The following GPHN variants were observed in gnomAD, a reference collection of about 807,000 sequenced individuals.
GPHN encodes gephyrin.
Under a neutral mutation model 95.5 loss-of-function variants are expected in GPHN, and 17 were observed. The observed-to-expected ratio is 0.18, with a 90% confidence interval of 0.12 to 0.27. The LOEUF is 0.27. Among genes scored for constraint, GPHN ranks in the 10% least tolerant of loss-of-function variants. The pLI is 1.00. For missense variants in GPHN, 660 were observed against 978.1 expected (o/e 0.67, Z 4.34); for synonymous variants, 320 against 322.5 (o/e 0.99, Z 0.08).
intron 11 of GPHN, among the ~76,000 whole-genome samples, chr14:67,067,801 C>G (rs994488587): frequency 2.0e-5 from 3 of 152,212 alleles, no homozygotes; most frequent in Non-Finnish European, 4.4e-5. Flanking sequence ...GTTGCTAAGA[C>G]TGTGGGAAAA....
At chr14:66,845,853 G>C (rs917494529) in intron 4 of GPHN, among the ~76,000 whole-genome samples, 8 of 151,456 alleles carry the variant, frequency 5.3e-5, no homozygotes, top group Middle Eastern at 3.4e-3. Context: ...GTGTGTGTGT[G>C]TGTGTGTCTG....
At chr14:67,557,608 G>T in the GPHN span, among the ~76,000 whole-genome samples, 1 of 152,236 alleles carries the variant, frequency 6.6e-6, no homozygotes, top group Non-Finnish European at 1.5e-5. Context: ...TAGAAGCCAG[G>T]CAGGGGATAG....
At chr14:67,078,862 T>C (rs1252331841) in intron 11 of GPHN, among the ~76,000 whole-genome samples, 1 of 139,682 alleles carries the variant, frequency 7.2e-6, no homozygotes, top group Non-Finnish European at 1.5e-5. Flanking sequence ...TCTCTCCATA[T>C]TTTTTTCCCT....
chr14:66,701,410 C>A (rs1209957260), intron 2 of GPHN, among the ~76,000 whole-genome samples: 2 of 152,148 alleles, frequency 1.3e-5, no homozygotes, highest in Non-Finnish European at 2.9e-5. Context: ...CAATTGGATG[C>A]TCCCATCAAA....
the GPHN span, among the ~76,000 whole-genome samples, chr14:67,627,275 A>ATATATATATATATATATATATATATC: frequency 6.7e-6 from 1 of 148,688 alleles, no homozygotes; most frequent in African/African-American, 2.5e-5. Flanking sequence ...ATATATATAT[A>ATATATATATATATATATATATATATC]TATATATCTG....
intron 8 of GPHN, among the ~76,000 whole-genome samples, chr14:66,931,999 G>A (rs2066823841): frequency 6.6e-6 from 1 of 152,122 alleles, no homozygotes; most frequent in African/African-American, 2.4e-5. Context: ...TCTTGGGAAG[G>A]CTTTCCAAAT....
intron 1 of GPHN, among the ~76,000 whole-genome samples, chr14:66,647,008 T>C (rs2064787522): frequency 6.6e-6 from 1 of 151,798 alleles, no homozygotes; most frequent in Non-Finnish European, 1.5e-5. Context: ...GCAATCCTCT[T>C]TCCACAGCCT....
chr14:67,701,665 G>A, the GPHN span, among the ~76,000 whole-genome samples: 27 of 151,850 alleles, frequency 1.8e-4, no homozygotes, highest in African/African-American at 6.0e-4. Flanking sequence ...CTTGTGATCC[G>A]CCCACTTCAG....
chr14:66,591,308 C>T (rs983449791), intron 1 of GPHN, among the ~76,000 whole-genome samples: 12 of 152,270 alleles, frequency 7.9e-5, no homozygotes, highest in African/African-American at 2.9e-4. Context: ...CTGGCCAGGG[C>T]AATCAGGCAA....
chr14:67,559,137 A>G, the GPHN span, among the ~76,000 whole-genome samples: 1 of 152,194 alleles, frequency 6.6e-6, no homozygotes, highest in African/African-American at 2.4e-5. Context: ...AACCTTTTCA[A>G]TCATCTCCTC....
the GPHN span, chr14:67,387,345 A>G: frequency 6.2e-7 from 1 of 1,609,866 alleles, no homozygotes; most frequent in Non-Finnish European, 8.5e-7. Context: ...TAGCTTTTTG[A>G]TAGCTTCAAT....
At chr14:66,686,451 G>T (rs2153401634) in intron 2 of GPHN, among the ~76,000 whole-genome samples, 1 of 152,272 alleles carries the variant, frequency 6.6e-6, no homozygotes, top group Non-Finnish European at 1.5e-5. Flanking sequence ...AGTTCTCCTT[G>T]AAGAGGTCCT....
the GPHN span, among the ~76,000 whole-genome samples, chr14:67,547,955 C>T: frequency 1.0e-3 from 153 of 152,306 alleles, no homozygotes; most frequent in African/African-American, 3.6e-3. Flanking sequence ...GTGCTATTGC[C>T]ATGGTCACCC....
At chr14:67,577,941 C>T in the GPHN span, 6 of 1,293,004 alleles carry the variant, frequency 4.6e-6, no homozygotes, top group Non-Finnish European at 5.5e-6. Context: ...CTCCCTGGAG[C>T]CCTTGGAAAA....
chr14:67,317,841 T>C, the GPHN span, among the ~76,000 whole-genome samples: 1 of 152,254 alleles, frequency 6.6e-6, no homozygotes. Flanking sequence ...CACTACCTGC[T>C]GGCTAAGTCA....
chr14:67,562,292 G>T, the GPHN span: 9 of 1,613,762 alleles, frequency 5.6e-6, no homozygotes, highest in Admixed American at 1.5e-4. Flanking sequence ...ACCTTCCCCA[G>T]GTGCCCTGCA....
intron 4 of GPHN, among the ~76,000 whole-genome samples, chr14:66,841,272 T>C (rs1014496616): frequency 1.3e-5 from 2 of 151,864 alleles, no homozygotes; most frequent in African/African-American, 4.8e-5. Context: ...TTAAATAGGG[T>C]CATCCATTAA....
chr14:66,898,388 T>G (rs1284677668), intron 5 of GPHN, among the ~76,000 whole-genome samples: 1 of 150,364 alleles, frequency 6.7e-6, no homozygotes, highest in Non-Finnish European at 1.5e-5. Context: ...GGTGTGAGTT[T>G]AGGTTGAGGT....
At chr14:66,715,014 C>T (rs888749762) in intron 2 of GPHN, among the ~76,000 whole-genome samples, 1 of 152,024 alleles carries the variant, frequency 6.6e-6, no homozygotes, top group Non-Finnish European at 1.5e-5. Context: ...GGTTGGTTCC[C>T]GGTTTCTCTA....
Sources: gnomAD v4.1 joint callset for allele counts (sites outside exome capture counted in the v4.1 genomes callset) on GRCh38, gnomAD v4.1.1 for gene constraint, MANE v1.5 for transcripts, NCBI Gene and HGNC (gene_info 2026-07-23, HGNC 2026-07-21) for gene names.